The following HP1BP3 variants were observed in gnomAD, a reference collection of about 807,000 sequenced individuals.
HP1BP3 encodes the protein heterochromatin protein 1-binding protein 3.
Under a neutral mutation model 62.5 loss-of-function variants are expected in HP1BP3, and 12 were observed. The observed-to-expected ratio is 0.19, with a 90% CI of 0.12 to 0.31. The LOEUF (loss-of-function observed/expected upper bound fraction) is 0.31. Ranked by LOEUF, HP1BP3 falls within the 10% of genes least tolerant of loss-of-function variation. The probability of loss-of-function intolerance (pLI) is 1.00; values close to 1 mark genes in which losing one functional copy is unlikely to be tolerated. For synonymous variants in HP1BP3, 260 were observed against 237.8 expected (o/e 1.09, Z -0.86); for missense variants, 502 against 651.8 (o/e 0.77, Z 2.50).
At chr1:20,772,984 ACTTAG>A (rs1343929633) in intron 5 of HP1BP3, among the ~76,000 whole-genome samples, 8 of 152,314 alleles carry the variant, frequency 5.3e-5, no homozygotes, top group Admixed American at 3.9e-4. Context: ...TACCAAGATC[ACTTAG>A]CTTTAGAAAT....
chr1:20,766,039 C>A (rs1453085058), intron 7 of HP1BP3, among the ~76,000 whole-genome samples: 1 of 151,668 alleles, frequency 6.6e-6, no homozygotes, highest in African/African-American at 2.4e-5. Context: ...CGTCTGTAAT[C>A]CCAGCACTTT....
chr1:20,781,873 G>T (rs981079102), intron 1 of HP1BP3, among the ~76,000 whole-genome samples: 19 of 152,146 alleles, frequency 1.2e-4, no homozygotes, highest in African/African-American at 4.6e-4. Context: ...TGATCTGCCC[G>T]CCTCAGCCTC....
rs2055061793 is a variant in HP1BP3 at position 20,740,839 on chromosome 1, T to A, written c.*3958A>T. Among the ~76,000 whole-genome samples the A allele has an allele frequency of 6.6e-6, 1 of 152,172 alleles. No homozygotes were observed. The highest frequency in any genetic ancestry group is 2.1e-4 in the South Asian group (1 of 4,820). On this transcript the variant is annotated 3_prime_UTR_variant, in exon 13 of 13. Transcript: ENST00000438032. ...CTCAAAAAAATAATAAGTAAAAGAA[T>A]ATAGTTATAAAGACGGTAGAGATTA...
intron 4 of HP1BP3, among the ~76,000 whole-genome samples, chr1:20,775,173 A>G (rs1327016840): frequency 1.3e-5 from 2 of 152,160 alleles, no homozygotes. Context: ...TCCAAAAGAC[A>G]GCACTGTTAT....
intron 8 of HP1BP3, among the ~76,000 whole-genome samples, chr1:20,758,603 C>A (rs1331791045): frequency 6.6e-6 from 1 of 151,908 alleles, no homozygotes; most frequent in Non-Finnish European, 1.5e-5. Context: ...GCCTCAGCCT[C>A]CCAAAGTGCT....
At chr1:20,760,486 A>T (rs2056402351) in intron 8 of HP1BP3, among the ~76,000 whole-genome samples, 1 of 151,870 alleles carries the variant, frequency 6.6e-6, no homozygotes, top group Non-Finnish European at 1.5e-5. Flanking sequence ...GGTTGCCATG[A>T]GCCACGATCT....
At position 20,740,349 on chromosome 1, in the gene HP1BP3, T is replaced by C. The variant is rs1374335987; in HGVS notation, c.*4448A>G. 6.6e-6 allele frequency among the ~76,000 whole-genome samples: 1 copy of C among 152,198 alleles called. No individual in the cohort carries two copies. Among genetic ancestry groups the C allele is most frequent in the African/African-American group, 2.4e-5 (1 of 41,448 alleles). On this transcript the variant is annotated 3_prime_UTR_variant, in exon 13 of 13. Transcript: ENST00000438032. ...ATATCAGGAAAAAAAAGAGTTGTAATTTTTGAGGAAAATCGCTTCAGCCTT... is the reference window on the plus strand; with the variant it reads ...ATATCAGGAAAAAAAAGAGTTGTAACTTTTGAGGAAAATCGCTTCAGCCTT...
chr1:20,751,018 T>C (rs2055712386), intron 9 of HP1BP3, among the ~76,000 whole-genome samples: 1 of 151,932 alleles, frequency 6.6e-6, no homozygotes, highest in Non-Finnish European at 1.5e-5. Flanking sequence ...GGTTTCACCA[T>C]GTTGGCCAGG....
chr1:20,765,539 G>A lies in HP1BP3; in HGVS notation c.736-8C>T. 6.2e-7 allele frequency: 1 copy of A among 1,605,048 alleles called. No individual in the cohort carries two copies. Among genetic ancestry groups the A allele is most frequent in the Non-Finnish European group, 8.5e-7 (1 of 1,174,670 alleles). On this transcript the variant is annotated splice_region_variant and splice_polypyrimidine_tract_variant and intron_variant, in intron 7 of 12. Transcript: ENST00000438032. ...CACTGCAGAGCTCCTATTCTGAAAA[G>A]TAATTATCAAAAATTATGATCATTA...
intron 9 of HP1BP3, among the ~76,000 whole-genome samples, chr1:20,756,605 C>T (rs1570585386): frequency 6.6e-6 from 1 of 152,040 alleles, no homozygotes; most frequent in African/African-American, 2.4e-5. Context: ...GGGAGGACAG[C>T]TATTTTTCAC....
chr1:20,780,645 T>G (rs914148726), intron 1 of HP1BP3, 105 bp from the exon 2 acceptor site: 1 of 562,136 alleles, frequency 1.8e-6, no homozygotes, highest in Non-Finnish European at 3.2e-6. Flanking sequence ...ACTATAAAAT[T>G]TATAGGTAAG....
intron 4 of HP1BP3, chr1:20,776,372 CAA>C (rs2057304295): frequency 2.2e-6 from 1 of 455,934 alleles, no homozygotes; most frequent in Non-Finnish European, 3.8e-6. Flanking sequence ...AAGCCAATGA[CAA>C]AGACTTTTGG....
chr1:20,757,145 A>C, intron 9 of HP1BP3, 21 bp downstream of exon 9: 2 of 1,537,868 alleles, frequency 1.3e-6, no homozygotes, highest in Non-Finnish European at 1.8e-6. Flanking sequence ...CTTCTCCACA[A>C]CCAGGCCTCT....
intron 11 of HP1BP3, among the ~76,000 whole-genome samples, chr1:20,746,893 G>A (rs1351978787): frequency 1.3e-5 from 2 of 152,186 alleles, no homozygotes; most frequent in Admixed American, 6.5e-5. Context: ...GCGCGCACCT[G>A]TAGTCCCAGC....
At chr1:20,749,941 G>A in intron 9 of HP1BP3, 59 bp from the exon 10 acceptor site, 1 of 1,572,588 alleles carries the variant, frequency 6.4e-7, no homozygotes, top group Non-Finnish European at 8.6e-7. Flanking sequence ...AGCAGGTCAA[G>A]ACAAGACTCC....
chr1:20,777,292 TA>T (rs572243004), intron 3 of HP1BP3, among the ~76,000 whole-genome samples: 9 of 149,068 alleles, frequency 6.0e-5, no homozygotes, highest in Admixed American at 2.7e-4. Flanking sequence ...AAAATAAAAA[TA>T]AAAAAAATAA....
At chr1:20,779,303 T>TA (rs2057439649) in intron 3 of HP1BP3, among the ~76,000 whole-genome samples, 1 of 152,166 alleles carries the variant, frequency 6.6e-6, no homozygotes, top group African/African-American at 2.4e-5. Context: ...AAAGGAGCAT[T>TA]AGTACTCCAT....
chr1:20,769,173 T>G (rs900514714), intron 6 of HP1BP3, among the ~76,000 whole-genome samples: 1 of 152,166 alleles, frequency 6.6e-6, no homozygotes, highest in African/African-American at 2.4e-5. Context: ...CATTGCTATG[T>G]TAGCTCATAG....
chr1:20,767,242 G>A (rs2056830741), intron 7 of HP1BP3, among the ~76,000 whole-genome samples: 1 of 152,312 alleles, frequency 6.6e-6, no homozygotes, highest in African/African-American at 2.4e-5. Flanking sequence ...CTTGAATCCA[G>A]GAGGCGGAGG....
Sources: allele counts gnomAD v4.1 joint callset (sites outside exome capture counted in the v4.1 genomes callset), GRCh38; gene constraint gnomAD v4.1.1; transcripts MANE v1.5; gene names NCBI Gene and HGNC (gene_info 2026-07-23, HGNC 2026-07-21).